SOX3: variants seen among roughly 807,000 people sequenced by gnomAD.
SOX3 encodes the protein SRY-box transcription factor 3, also known as transcription factor SOX-3.
In SOX3, 2 loss-of-function variants were observed where a neutral mutation model predicts 4.6. That is an observed-to-expected ratio of 0.43 (90% CI 0.18 to 1.36). The LOEUF is 1.36. SOX3 is among the 40% of genes most tolerant of loss of function. SOX3 has a pLI of 0.28. For synonymous variants in SOX3, 244 were observed against 215.9 expected (o/e 1.13, Z -1.14); for missense variants, 326 against 441.9 (o/e 0.74, Z 2.35).
Position 140,504,491 on chromosome X carries a change from G to T in SOX3, c.570C>A (p.Asp190Glu). 8.2e-7 allele frequency: 1 copy of T among 1,212,151 alleles called. No individual in the cohort carries two copies. The highest frequency in any genetic ancestry group is 1.1e-6 in the Non-Finnish European group (1 of 895,551). Reference sequence around the variant, plus strand: ...GCACGGCGCGAAGTCGCTTGGCCTCGTCGATGAATGGTCGCTTCTCGGCGT... The same window carrying T: ...GCACGGCGCGAAGTCGCTTGGCCTCTTCGATGAATGGTCGCTTCTCGGCGT... Reference protein sequence around the residue: ...LTDAEKRPFIDEAKRLRAVHM... With the variant: ...LTDAEKRPFIEEAKRLRAVHM... The change falls in exon 1 of 1, where the codon GAC becomes GAA. Residue 190 changes from aspartate to glutamate, a missense_variant. Physicochemically the swap from Asp to Glu is conservative, Grantham distance 45 (BLOSUM62 2). Coordinates refer to ENST00000370536, the MANE Select transcript of SOX3 (RefSeq NM_005634.3).
In SOX3 at chrX:140,503,746, C is replaced by A; in HGVS notation, c.1315G>T (p.Gly439Ter). ...HYQGAGTAVNGTVPLTHI is the reference protein window; with the variant it reads ...HYQGAGTAVN The stretch of plus-strand genomic sequence containing the variant: ...CAGATGTGGGTCAGCGGCACCGTTC[C>A]GTTGACTGCAGTCCCGGCGCCCTGG... Residue 439 changes from glycine (G) to a stop codon, truncating the protein, a stop_gained, in exon 1 of 1, where the codon GGA becomes TGA. Coordinates refer to ENST00000370536, the MANE Select transcript of SOX3 (RefSeq NM_005634.3). LOFTEE classifies it high-confidence loss of function. The A allele has an allele frequency of 8.5e-7, 1 of 1,174,651 alleles. No homozygotes were observed. The highest frequency in any genetic ancestry group is 1.1e-6 in the Non-Finnish European group (1 of 881,175).
Position 140,503,370 on chromosome X carries a change from C to A in SOX3, c.*350G>T, listed in dbSNP as rs1196429416. ...CATTCACTCCTTGGCTAACTGCAAA[C>A]TAACAAGACAACATTTTCAAATGTA... On this transcript the variant is annotated 3_prime_UTR_variant, in exon 1 of 1. Transcript: ENST00000370536. 6.0e-6 allele frequency: 1 copy of A among 167,080 alleles called. No homozygotes were observed. Among genetic ancestry groups the A allele is most frequent in the Non-Finnish European group, 1.1e-5 (1 of 87,826 alleles). 13.8% of individuals were successfully genotyped at this position (167,080 alleles called of 1,213,427 possible).
Position 140,504,829 on chromosome X carries a change from T to C in SOX3, c.232A>G (p.Ser78Gly), listed in dbSNP as rs773499026. The change falls in exon 1 of 1, where the codon AGC becomes GGC. Residue 78 changes from serine (S) to glycine (G), a missense_variant. Coordinates refer to ENST00000370536, the MANE Select transcript of SOX3 (RefSeq NM_005634.3). ...TTCTTGAGTTCAGTCTCCAGAAGGC[T>C]GTACATTGCCGGGGCGGGAAGAAGG... ...AHLLPAPAMY[S>G]LLETELKNPV... 7.7e-6 allele frequency: 9 copies of C among 1,174,307 alleles called. No individual in the cohort carries two copies. In the African/African-American group the frequency reaches 8.9e-5, roughly 12 times the overall value.
chrX:140,503,477 G>A lies in SOX3; in HGVS notation c.*243C>T. 1 of 339,842 alleles carries A rather than the reference G, an allele frequency of 2.9e-6. No homozygotes were observed. Among genetic ancestry groups the A allele is most frequent in the South Asian group, 8.9e-5 (1 of 11,205 alleles). 28.0% of individuals were successfully genotyped at this position (339,842 alleles called of 1,213,427 possible). Reference sequence around the variant, plus strand: ...AACACAGCGATTCCCAGCCTACAAAGGTGAAAGGAGCAGCGGCGTGGGGCA... The same window carrying A: ...AACACAGCGATTCCCAGCCTACAAAAGTGAAAGGAGCAGCGGCGTGGGGCA... On this transcript the variant is annotated 3_prime_UTR_variant, in exon 1 of 1. Transcript: ENST00000370536.
In SOX3 at chrX:140,503,746, C is replaced by T. The variant is rs1486633095; in HGVS notation, c.1315G>A (p.Gly439Arg). Residue 439 changes from glycine to arginine, a missense_variant, in exon 1 of 1, where the codon GGA (glycine) becomes AGA (arginine). Coordinates refer to ENST00000370536, the MANE Select transcript of SOX3 (RefSeq NM_005634.3). ...HYQGAGTAVN[G>R]TVPLTHI ...CAGATGTGGGTCAGCGGCACCGTTCCGTTGACTGCAGTCCCGGCGCCCTGG... is the reference window on the plus strand; with the variant it reads ...CAGATGTGGGTCAGCGGCACCGTTCTGTTGACTGCAGTCCCGGCGCCCTGG... The T allele has an allele frequency of 8.5e-7, 1 of 1,174,649 alleles. No individual in the cohort carries two copies. The highest frequency in any genetic ancestry group is 1.7e-5 in the African/African-American group (1 of 57,504).
In SOX3 at chrX:140,504,341, AGCGGCGGCGGCGGCC is replaced by A; in HGVS notation, c.705_719del (p.Ala244_Ala248del). 2 of 1,096,419 alleles carry A rather than the reference AGCGGCGGCGGCGGCC, an allele frequency of 1.8e-6. No homozygotes were observed. Among genetic ancestry groups the A allele is most frequent in the Non-Finnish European group, 1.2e-6 (1 of 843,077 alleles). 90.4% of individuals were successfully genotyped at this position (1,096,419 alleles called of 1,213,427 possible). A position where few individuals can be genotyped will look rare whatever the true frequency, so the allele number is the denominator to read the frequency against. On this transcript the variant is annotated inframe_deletion, in exon 1 of 1. Transcript: ENST00000370536. The stretch of plus-strand genomic sequence containing the variant: ...TGGCGGCAGCGGCTGCGGCCGCGGC[AGCGGCGGCGGCGGCC>A]GCGGCACCGGGAGGCAGGAGGCCGC...
At position 140,503,929 on chromosome X, in the gene SOX3, G is replaced by T. The variant is rs751931125; in HGVS notation, c.1132C>A (p.Pro378Thr). 1.7e-6 allele frequency: 2 copies of T among 1,175,997 alleles called. No individual in the cohort carries two copies. Among genetic ancestry groups the T allele is most frequent in the Admixed American group, 2.3e-5 (1 of 44,081 alleles). Residue 378 changes from proline (P) to threonine (T), a missense_variant, in exon 1 of 1, where the codon CCC (proline) becomes ACC (threonine). Physicochemically the swap from Pro to Thr is conservative, Grantham distance 38 (BLOSUM62 -1). Around this residue, in one of 6 missense-constraint regions of SOX3, gnomAD observed 64 missense variants for 104.5 expected, o/e 0.61. Coordinates refer to ENST00000370536, the MANE Select transcript of SOX3 (RefSeq NM_005634.3). ...GCGATGGCGGGCGGCGGCGAGCTGG[G>T]CTCAGACTTCACTACCGAGCCCATG... ...GPMGSVVKSE[P>T]SSPPPAIASH... is the part of the protein sequence containing the mutation.
rs759818271 is a variant in SOX3, at chrX:140,504,329, TGCGGCCGCGGCAGCGGCG to T, written c.714_731del (p.Ala243_Ala248del). The T allele has an allele frequency of 3.3e-5, 35 of 1,055,392 alleles. 1 individual carries two copies. Among genetic ancestry groups the T allele is most frequent in the Middle Eastern group, 2.9e-4 (1 of 3,451 alleles). The allele number at this position is 1,055,392 out of a possible 1,213,427, so 87.0% of individuals were successfully genotyped here. A position where few individuals can be genotyped will look rare whatever the true frequency, so the allele number is the denominator to read the frequency against. On this transcript the variant is annotated inframe_deletion, in exon 1 of 1. Transcript: ENST00000370536. The stretch of plus-strand genomic sequence containing the variant: ...CCACCGGACTGCTGGCGGCAGCGGC[TGCGGCCGCGGCAGCGGCG>T]GCGGCGGCCGCGGCACCGGGAGGCA...
chrX:140,503,561 A>G lies in SOX3; in HGVS notation c.*159T>C. 1 of 560,214 alleles carries G rather than the reference A, an allele frequency of 1.8e-6. No individual in the cohort carries two copies. The highest frequency in any genetic ancestry group is 3.8e-5 in the East Asian group (1 of 26,016). 46.2% of individuals were successfully genotyped at this position (560,214 alleles called of 1,213,427 possible). On this transcript the variant is annotated 3_prime_UTR_variant, in exon 1 of 1. Transcript: ENST00000370536. ...CCTGACTTATTTTTGCTTTTGTACA[A>G]AACCCGACAGCTACAGCAAAACTTT...
At position 140,503,489 on chromosome X, in the gene SOX3, A is replaced by G; in HGVS notation, c.*231T>C. ...CCCAGCCTACAAAGGTGAAAGGAGCAGCGGCGTGGGGCAAGAGAGCTCTCT... is the reference window on the plus strand; with the variant it reads ...CCCAGCCTACAAAGGTGAAAGGAGCGGCGGCGTGGGGCAAGAGAGCTCTCT... On this transcript the variant is annotated 3_prime_UTR_variant, in exon 1 of 1. Coordinates refer to ENST00000370536, the MANE Select transcript of SOX3 (RefSeq NM_005634.3). 1 of 357,554 alleles carries G rather than the reference A, an allele frequency of 2.8e-6. No homozygotes were observed. The highest frequency in any genetic ancestry group is 4.9e-6 in the Non-Finnish European group (1 of 205,150). The allele number at this position is 357,554 out of a possible 1,213,427, so 29.5% of individuals were successfully genotyped here.
Position 140,504,794 on chromosome X carries a change from C to A in SOX3, c.267G>T (p.Gly89=). Residue 89 remains glycine (G), a synonymous_variant, in exon 1 of 1, where the codon GGG becomes GGT. Coordinates refer to ENST00000370536, the MANE Select transcript of SOX3 (RefSeq NM_005634.3). ...CGGTGCCCGCCGCTTGTGTGGGTGT[C>A]CCTACGGGGTTCTTGAGTTCAGTCT... The part of the protein sequence containing the change: ...LLETELKNPV[G]TPTQAAGTGG... 8.5e-7 allele frequency: 1 copy of A among 1,173,683 alleles called. No homozygotes were observed. Among genetic ancestry groups the A allele is most frequent in the Non-Finnish European group, 1.1e-6 (1 of 877,140 alleles).
Position 140,504,905 on chromosome X carries a change from G to A in SOX3, c.156C>T (p.Thr52=), listed in dbSNP as rs1927350763. 22 of 1,182,800 alleles carry A rather than the reference G, an allele frequency of 1.9e-5. No individual in the cohort carries two copies. The highest frequency in any genetic ancestry group is 2.5e-5 in the Non-Finnish European group (22 of 881,677). ...SAPTESQGLF[T]VAAPAPGAPS... ...GCGCTCCCGGGGCTGGAGCGGCCAC[G>A]GTGAAAAGGCCCTGGGACTCCGTCG... The change falls in exon 1 of 1, where the codon ACC becomes ACT. Residue 52 remains threonine (T), a synonymous_variant. Transcript: ENST00000370536.
Position 140,503,904 on chromosome X carries a change from G to C in SOX3, c.1157C>G (p.Ala386Gly), listed in dbSNP as rs113107845. The C allele has an allele frequency of 8.4e-7, 1 of 1,185,028 alleles. No individual in the cohort carries two copies. The highest frequency in any genetic ancestry group is 1.8e-5 in the African/African-American group (1 of 56,789). The change falls in exon 1 of 1, where the codon GCA becomes GGA. Residue 386 changes from alanine (A) to glycine (G), a missense_variant. Physicochemically the swap from Ala to Gly is moderately conservative, Grantham distance 60. This residue lies in a region of SOX3 where 64 missense variants were observed against 104.5 expected (regional missense o/e 0.61). Transcript: ENST00000370536. Reference protein sequence around the residue: ...SEPSSPPPAIASHSQRACLGD... With the variant: ...SEPSSPPPAIGSHSQRACLGD... ...GAGGCACGCGCGCTGAGAGTGCGAT[G>C]CGATGGCGGGCGGCGGCGAGCTGGG... is the stretch of plus-strand genomic sequence containing the variant.
rs763958754 is a variant in SOX3 at position 140,503,597 on chromosome X, C to T, written c.*123G>A. 8.8e-4 allele frequency: 643 copies of T among 732,859 alleles called. 1 individual carries two copies. The African/African-American group carries it at 0.013, about 14-fold the overall frequency. The allele number at this position is 732,859 out of a possible 1,213,427, so 60.4% of individuals were successfully genotyped here. On this transcript the variant is annotated 3_prime_UTR_variant, in exon 1 of 1. Coordinates refer to ENST00000370536, the MANE Select transcript of SOX3 (RefSeq NM_005634.3). Reference sequence around the variant, plus strand: ...CTACAGCAAAACTTTCAGCCCTCCCCATCATCGGTACAAGGCAACAGTCCC... The same window carrying T: ...CTACAGCAAAACTTTCAGCCCTCCCTATCATCGGTACAAGGCAACAGTCCC...
chrX:140,504,248 C>T lies in SOX3; in HGVS notation c.813G>A (p.Ala271=). Residue 271 remains alanine (A), a synonymous_variant, in exon 1 of 1, where the codon GCG becomes GCA. Transcript: ENST00000370536. The stretch of plus-strand genomic sequence containing the variant: ...CCAGCTGCTCCTGCACCAGCGAGTA[C>T]GCGCCGTTGGCCCAGCCGTTCACGT... ...YTHVNGWANG[A]YSLVQEQLGY... The T allele has an allele frequency of 1.8e-6, 2 of 1,116,977 alleles. No homozygotes were observed. The highest frequency in any genetic ancestry group is 2.3e-6 in the Non-Finnish European group (2 of 852,608). The allele number at this position is 1,116,977 out of a possible 1,213,427, so 92.1% of individuals were successfully genotyped here.
Position 140,504,491 on chromosome X carries a change from G to A in SOX3, c.570C>T (p.Asp190=), listed in dbSNP as rs759119280. The part of the protein sequence containing the change: ...LTDAEKRPFI[D]EAKRLRAVHM... ...GCACGGCGCGAAGTCGCTTGGCCTC[G>A]TCGATGAATGGTCGCTTCTCGGCGT... is the stretch of plus-strand genomic sequence containing the variant. Residue 190 remains aspartate (D), a synonymous_variant, in exon 1 of 1, where the codon GAC becomes GAT. Coordinates refer to ENST00000370536, the MANE Select transcript of SOX3 (RefSeq NM_005634.3). 18 of 1,210,586 alleles carry A rather than the reference G, an allele frequency of 1.5e-5. No homozygotes were observed. The East Asian group carries it at 4.7e-4, about 32-fold the overall frequency.
Position 140,504,043 on chromosome X carries a change from C to T in SOX3, c.1018G>A (p.Ala340Thr), listed in dbSNP as rs1464621099. Residue 340 changes from alanine to threonine, a missense_variant, in exon 1 of 1, where the codon GCC (alanine) becomes ACC (threonine). By Grantham distance (58) the Ala-to-Thr change is moderately conservative. Transcript: ENST00000370536. Reference sequence around the variant, plus strand: ...TAGGCGGCGGCCGCGGCTGCTGTGGCTGAGGGCGCCATGCCCCCGTAGCCC... The same window carrying T: ...TAGGCGGCGGCCGCGGCTGCTGTGGTTGAGGGCGCCATGCCCCCGTAGCCC... ...ASGYGGMAPS[A>T]TAAAAAAYGQ... 2 of 969,277 alleles carry T rather than the reference C, an allele frequency of 2.1e-6. No homozygotes were observed. Among genetic ancestry groups the T allele is most frequent in the Non-Finnish European group, 2.6e-6 (2 of 776,204 alleles). The allele number at this position is 969,277 out of a possible 1,213,427, so 79.9% of individuals were successfully genotyped here.
Position 140,504,062 on chromosome X carries a change from G to A in SOX3, c.999C>T (p.Tyr333=). 4 of 988,810 alleles carry A rather than the reference G, an allele frequency of 4.0e-6. No individual in the cohort carries two copies. The highest frequency in any genetic ancestry group is 5.1e-6 in the Non-Finnish European group (4 of 785,822). 81.5% of individuals were successfully genotyped at this position (988,810 alleles called of 1,213,427 possible). The part of the protein sequence containing the change: ...VAAAAAAASG[Y]GGMAPSATAA... ...CTGTGGCTGAGGGCGCCATGCCCCC[G>A]TAGCCCGAGGCGGCGGCGGCCGCGG... The change falls in exon 1 of 1, where the codon TAC becomes TAT. Residue 333 remains tyrosine, a synonymous_variant. Coordinates refer to ENST00000370536, the MANE Select transcript of SOX3 (RefSeq NM_005634.3).
At position 140,504,170 on chromosome X, in the gene SOX3, C is replaced by T; in HGVS notation, c.891G>A (p.Pro297=). 2 of 1,073,848 alleles carry T rather than the reference C, an allele frequency of 1.9e-6. No individual in the cohort carries two copies. The highest frequency in any genetic ancestry group is 3.2e-5 in the Admixed American group (1 of 31,364). The allele number at this position is 1,073,848 out of a possible 1,213,427, so 88.5% of individuals were successfully genotyped here. A position where few individuals can be genotyped will look rare whatever the true frequency, so the allele number is the denominator to read the frequency against. The change falls in exon 1 of 1, where the codon CCG becomes CCA. Residue 297 remains proline (P), a synonymous_variant. Transcript: ENST00000370536. ...CGGCCATGTCGTAGCGGTGCATCGG[C>T]GGCAGCGCGGGCGGCGGCGGCGGGC... The part of the protein sequence containing the change: ...MSSPPPPPAL[P]PMHRYDMAGL...
Sources: gnomAD v4.1 joint callset for allele counts on GRCh38, gnomAD v4.1.1 for gene constraint, gnomAD v4.1.1 regional missense constraint, MANE v1.5 for transcripts, NCBI Gene and HGNC (gene_info 2026-07-23, HGNC 2026-07-21) for gene names.